The following FTO variants were observed in gnomAD, a reference collection of about 807,000 sequenced individuals.
FTO encodes alpha-ketoglutarate-dependent dioxygenase FTO.
A neutral mutation model predicts 63.9 loss-of-function variants in FTO; 47 were observed. The observed-to-expected ratio is 0.74, with a 90% CI of 0.58 to 0.94. The LOEUF (loss-of-function observed/expected upper bound fraction) is 0.94, where lower values mean the gene tolerates loss of function less well. Among genes scored for constraint, FTO ranks in the 40% least tolerant of loss-of-function variants. FTO has a pLI of 0.00. For missense variants in FTO, 562 were observed against 618.1 expected (o/e 0.91, Z 0.96); for synonymous variants, 207 against 224.4 (o/e 0.92, Z 0.69).
At chr16:54,070,980 T>G (rs1402187807) in intron 8 of FTO, 2 of 152,242 alleles carry the variant, frequency 1.3e-5, no homozygotes, top group Non-Finnish European at 1.5e-5. Context: ...AAGAGAGAGA[T>G]AGACCTGCAG....
chr16:53,926,612 G>C (rs2082144567), intron 7 of FTO, among the ~76,000 whole-genome samples: 1 of 152,228 alleles, frequency 6.6e-6, no homozygotes, highest in Admixed American at 6.5e-5. Flanking sequence ...TTTGGTGGAA[G>C]GACGTAGTTT....
chr16:53,965,152 C>T (rs1479232051), intron 8 of FTO, among the ~76,000 whole-genome samples: 1 of 152,144 alleles, frequency 6.6e-6, no homozygotes, highest in African/African-American at 2.4e-5. Flanking sequence ...CGGCTCACTG[C>T]AACCTCCGCC....
chr16:53,729,989 T>G (rs1231772357), intron 1 of FTO, among the ~76,000 whole-genome samples: 1 of 152,198 alleles, frequency 6.6e-6, no homozygotes, highest in East Asian at 1.9e-4. Flanking sequence ...TCTGGCTGAG[T>G]GTCTGGCATA....
At chr16:53,714,261 C>A (rs1598472271) in intron 1 of FTO, among the ~76,000 whole-genome samples, 1 of 152,304 alleles carries the variant, frequency 6.6e-6, no homozygotes, top group Admixed American at 6.5e-5. Flanking sequence ...TGCCCTTTGG[C>A]ACCTTCATTT....
At chr16:53,956,118 A>G (rs2082925021) in intron 8 of FTO, among the ~76,000 whole-genome samples, 1 of 152,224 alleles carries the variant, frequency 6.6e-6, no homozygotes, top group South Asian at 2.1e-4. Flanking sequence ...GTTATAGATG[A>G]TGAAACTGAA....
At chr16:53,795,535 G>A (rs898408164) in intron 1 of FTO, among the ~76,000 whole-genome samples, 23 of 152,020 alleles carry the variant, frequency 1.5e-4, no homozygotes, top group African/African-American at 5.1e-4. Flanking sequence ...AAACTCCTAG[G>A]CTCAAGCCAT....
chr16:54,055,967 AG>A lies in FTO; in HGVS notation c.1365-55794del, dbSNP rs1375913869. Among the ~76,000 whole-genome samples, 6 of 152,218 alleles carry A rather than the reference AG, an allele frequency of 3.9e-5. No individual in the cohort carries two copies. The East Asian group carries it at 1.2e-3, about 29-fold the overall frequency. On this transcript the variant is annotated intron_variant, in intron 8 of 8. Transcript: ENST00000471389. ...GAAAGTCTTTGCCCTCCTGGCCTGA[AG>A]TTCCCCACTGGAGAGAGGAAGCTGA...
rs563791145 is a variant in FTO at position 54,000,748 on chromosome 16, A to G, written c.1364+66639A>G. ...ATGTCTCAGACAACACGATATGATTAAAGCACGGTAATAATCACCCATATA... is the reference window on the plus strand; with the variant it reads ...ATGTCTCAGACAACACGATATGATTGAAGCACGGTAATAATCACCCATATA... On this transcript the variant is annotated intron_variant, in intron 8 of 8. Coordinates refer to ENST00000471389, the MANE Select transcript of FTO (RefSeq NM_001080432.3). Among the ~76,000 whole-genome samples, 3 of 152,352 alleles carry G rather than the reference A, an allele frequency of 2.0e-5. No homozygotes were observed. The East Asian group carries it at 5.8e-4, about 29-fold the overall frequency.
intron 1 of FTO, among the ~76,000 whole-genome samples, chr16:53,783,863 A>G (rs1027129109): frequency 6.6e-6 from 1 of 152,000 alleles, no homozygotes. Flanking sequence ...TGCTCATTTA[A>G]CTGCCTGATT....
chr16:54,038,060 T>A lies in FTO; in HGVS notation c.1365-73702T>A, dbSNP rs530068446. 1.8e-4 allele frequency among the ~76,000 whole-genome samples: 28 copies of A among 152,334 alleles called. No homozygotes were observed. The South Asian group carries it at 5.8e-3, about 32-fold the overall frequency. ...TTCTCTAATGTAAGCCATATATATT[T>A]TGGGCACAGCTGGAACCTTTATTCC... On this transcript the variant is annotated intron_variant, in intron 8 of 8. Coordinates refer to ENST00000471389, the MANE Select transcript of FTO (RefSeq NM_001080432.3).
At chr16:53,732,294 A>G (rs573298645) in intron 1 of FTO, among the ~76,000 whole-genome samples, 11 of 148,356 alleles carry the variant, frequency 7.4e-5, no homozygotes, top group Middle Eastern at 3.8e-3. Context: ...CTCGTGATCC[A>G]CCTGTGTTGG....
At chr16:53,704,254 A>C in intron 1 of FTO, 25 bp downstream of exon 1, 1 of 1,550,688 alleles carries the variant, frequency 6.4e-7, no homozygotes, top group Non-Finnish European at 8.7e-7. Context: ...CGGGGCCTGG[A>C]GATCTTCGTG....
intron 3 of FTO, among the ~76,000 whole-genome samples, chr16:53,838,186 C>A (rs1474518871): frequency 6.6e-6 from 1 of 152,204 alleles, no homozygotes; most frequent in Non-Finnish European, 1.5e-5. Flanking sequence ...TCCATGGTAC[C>A]AGCTGGCCAT....
chr16:54,008,022 C>T (rs1197844259), intron 8 of FTO, among the ~76,000 whole-genome samples: 2 of 152,130 alleles, frequency 1.3e-5, no homozygotes, highest in African/African-American at 4.8e-5. Context: ...TGTGTCCACC[C>T]CTGTGCTGGT....
chr16:53,883,646 A>AAAAAAAAAAAAAAC (rs1555489016), intron 6 of FTO, among the ~76,000 whole-genome samples: 3 of 135,768 alleles, frequency 2.2e-5, no homozygotes, highest in Admixed American at 7.5e-5. Context: ...CAAAAAAAAA[A>AAAAAAAAAAAAAAC]AAACAAATTT....
chr16:53,881,122 A>AAAAT (rs60470419), intron 6 of FTO, among the ~76,000 whole-genome samples: 4,214 of 145,488 alleles, frequency 0.029, 271 homozygotes, highest in East Asian at 0.27. Context: ...ACTCCGTCTC[A>AAAAT]AAATAAATAA....
chr16:53,911,241 G>A (rs2081692714), intron 7 of FTO: 3 of 631,990 alleles, frequency 4.7e-6, no homozygotes, highest in African/African-American at 3.6e-5. Context: ...ATTGGAGTGA[G>A]TAAGAGAGAA....
intron 8 of FTO, among the ~76,000 whole-genome samples, chr16:53,985,559 A>G (rs1037948928): frequency 2.0e-5 from 3 of 152,198 alleles, no homozygotes; most frequent in African/African-American, 7.2e-5. Context: ...TATAAATAAA[A>G]GAAGAATAAA....
intron 8 of FTO, among the ~76,000 whole-genome samples, chr16:53,953,971 G>A (rs1321442722): frequency 1.3e-5 from 2 of 152,214 alleles, no homozygotes; most frequent in African/African-American, 2.4e-5. Flanking sequence ...TACTCCCAAT[G>A]TATATCTGTA....
Sources: gnomAD v4.1 joint callset for allele counts (sites outside exome capture counted in the v4.1 genomes callset) on GRCh38, gnomAD v4.1.1 for gene constraint, MANE v1.5 for transcripts, NCBI Gene and HGNC (gene_info 2026-07-23, HGNC 2026-07-21) for gene names.